ELMO1: variants seen among roughly 807,000 people sequenced by gnomAD.
The protein encoded by ELMO1 is engulfment and cell motility protein 1.
ELMO1 carries 26 observed loss-of-function variants against 98.9 expected under a neutral mutation model. The ratio of observed to expected loss-of-function variants is 0.26; its 90% CI spans 0.19 to 0.36. The LOEUF is 0.36. ELMO1 is among the 10% of genes least tolerant of loss of function. The pLI, the probability that ELMO1 is intolerant of heterozygous loss-of-function variation, is 1.00. For missense variants in ELMO1, 627 were observed against 935.2 expected (o/e 0.67, Z 4.30); for synonymous variants, 346 against 346.0 (o/e 1.00, Z 0.00).
At chr7:37,236,681 T>C (rs1429049271) in intron 7 of ELMO1, among the ~76,000 whole-genome samples, 1 of 152,212 alleles carries the variant, frequency 6.6e-6, no homozygotes, top group African/African-American at 2.4e-5. Flanking sequence ...TAAGTTCCCA[T>C]ATGGAAGAAC....
intron 16 of ELMO1, among the ~76,000 whole-genome samples, chr7:36,898,906 G>C (rs757639211): frequency 1.6e-4 from 25 of 152,172 alleles, no homozygotes; most frequent in Non-Finnish European, 3.2e-4. Context: ...GGGAGCAAGG[G>C]GTCAGGTGTT....
chr7:36,869,089 ATC>A (rs1464397456), intron 20 of ELMO1, among the ~76,000 whole-genome samples: 1 of 152,218 alleles, frequency 6.6e-6, no homozygotes, highest in Non-Finnish European at 1.5e-5. Context: ...GAGCTATAGA[ATC>A]TCTGTCTCCC....
chr7:37,210,274 T>C (rs1191936677), intron 13 of ELMO1, among the ~76,000 whole-genome samples: 1 of 152,186 alleles, frequency 6.6e-6, no homozygotes, highest in Non-Finnish European at 1.5e-5. Context: ...TATAGACTTA[T>C]GGTAATTTCA....
intron 15 of ELMO1, among the ~76,000 whole-genome samples, chr7:37,013,800 C>T (rs916207344): frequency 2.0e-5 from 3 of 152,190 alleles, no homozygotes; most frequent in Non-Finnish European, 2.9e-5. Context: ...GGCACAGCTC[C>T]TCCGTCACCC....
At chr7:37,012,341 T>C (rs1010783690) in intron 16 of ELMO1, among the ~76,000 whole-genome samples, 1 of 152,184 alleles carries the variant, frequency 6.6e-6, no homozygotes, top group African/African-American at 2.4e-5. Flanking sequence ...GTATATTAAG[T>C]GCAGGTGAAA....
chr7:36,868,988 G>A (rs1410743976), intron 20 of ELMO1, among the ~76,000 whole-genome samples: 2 of 152,140 alleles, frequency 1.3e-5, no homozygotes, highest in Non-Finnish European at 2.9e-5. Flanking sequence ...TGGTAATCCC[G>A]GCTAGTGTTG....
At chr7:37,232,078 C>T (rs1360642407) in intron 8 of ELMO1, among the ~76,000 whole-genome samples, 2 of 152,112 alleles carry the variant, frequency 1.3e-5, no homozygotes, top group Admixed American at 6.6e-5. Flanking sequence ...GTCTTGAACT[C>T]CTGACCTCAA....
At chr7:36,932,840 G>A (rs1431688861) in intron 16 of ELMO1, among the ~76,000 whole-genome samples, 1 of 152,140 alleles carries the variant, frequency 6.6e-6, no homozygotes, top group Non-Finnish European at 1.5e-5. Context: ...CAAGCTCAGT[G>A]CCCGGGACAG....
At chr7:37,141,985 T>C (rs1211254649) in intron 13 of ELMO1, among the ~76,000 whole-genome samples, 6 of 152,186 alleles carry the variant, frequency 3.9e-5, no homozygotes, top group Non-Finnish European at 7.3e-5. Context: ...CAACTAGAGG[T>C]TGAATAAGTG....
At chr7:37,016,644 G>A (rs551492078) in intron 15 of ELMO1, among the ~76,000 whole-genome samples, 1 of 152,296 alleles carries the variant, frequency 6.6e-6, no homozygotes, top group African/African-American at 2.4e-5. Context: ...AGTGCCTGCT[G>A]ACTGAGAACA....
At chr7:37,212,669 G>C (rs1340410401) in intron 12 of ELMO1, among the ~76,000 whole-genome samples, 1 of 152,174 alleles carries the variant, frequency 6.6e-6, no homozygotes, top group Admixed American at 6.5e-5. Flanking sequence ...ATCTGCAACA[G>C]ATCAGGCCCT....
intron 10 of ELMO1, among the ~76,000 whole-genome samples, chr7:37,217,040 C>T (rs568446854): frequency 6.6e-6 from 1 of 152,322 alleles, no homozygotes; most frequent in Admixed American, 6.5e-5. Flanking sequence ...TATTAGACTA[C>T]GTACGTGCAG....
intron 20 of ELMO1, among the ~76,000 whole-genome samples, chr7:36,864,838 A>G (rs1169193459): frequency 6.6e-6 from 1 of 152,182 alleles, no homozygotes; most frequent in Non-Finnish European, 1.5e-5. Context: ...AATTACATCT[A>G]GAAGCAGCTT....
intron 21 of ELMO1, among the ~76,000 whole-genome samples, chr7:36,858,279 A>G (rs1478638635): frequency 2.6e-5 from 4 of 152,180 alleles, no homozygotes; most frequent in Non-Finnish European, 4.4e-5. Context: ...GCAACCTCTA[A>G]TGGTTCCAAG....
intron 16 of ELMO1, among the ~76,000 whole-genome samples, chr7:36,900,957 T>A (rs1468165194): frequency 1.3e-5 from 2 of 152,160 alleles, no homozygotes; most frequent in African/African-American, 4.8e-5. Context: ...AGACCCTAAG[T>A]GCTCATGTGT....
intron 1 of ELMO1, among the ~76,000 whole-genome samples, chr7:37,413,461 A>C (rs1804078593): frequency 6.6e-6 from 1 of 152,202 alleles, no homozygotes. Flanking sequence ...GATTTACTGA[A>C]CAAAAGAAGA....
rs143184573 is a variant in ELMO1, at chr7:37,323,025, C to T, written c.79-7065G>A. Among the ~76,000 whole-genome samples, 356 of 152,256 alleles carry T rather than the reference C, an allele frequency of 2.3e-3. 1 individual carries two copies. Among genetic ancestry groups the T allele is most frequent in the Admixed American group, 2.9e-3 (45 of 15,286 alleles). ...TAGGCAGTTACCACATTTCTATGTG[C>T]GGGGATCAAGGCCCATAAGCACGGA... is the stretch of plus-strand genomic sequence containing the variant. On this transcript the variant is annotated intron_variant, in intron 2 of 21. Transcript: ENST00000310758.
At position 36,860,949 on chromosome 7, in the gene ELMO1, T is replaced by G. The variant is rs544343739; in HGVS notation, c.1983+710A>C. 3.9e-5 allele frequency among the ~76,000 whole-genome samples: 6 copies of G among 152,348 alleles called. No individual in the cohort carries two copies. In the East Asian group the frequency reaches 1.2e-3, roughly 29 times the overall value. On this transcript the variant is annotated intron_variant, in intron 21 of 21. Coordinates refer to ENST00000310758, the MANE Select transcript of ELMO1 (RefSeq NM_014800.11). ...ACAAAAGTCAGATTCTATTAAAATG[T>G]TCTCTTCCTTTCTAAAGCTGTTTAT... is the stretch of plus-strand genomic sequence containing the variant.
chr7:37,430,027 A>G (rs1400635663), intron 1 of ELMO1, among the ~76,000 whole-genome samples: 1 of 152,216 alleles, frequency 6.6e-6, no homozygotes, highest in African/African-American at 2.4e-5. Flanking sequence ...GGATCCATCA[A>G]TCACACCTAG....
Sources: allele counts gnomAD v4.1 joint callset (sites outside exome capture counted in the v4.1 genomes callset), GRCh38; gene constraint gnomAD v4.1.1; transcripts MANE v1.5; gene names NCBI Gene and HGNC (gene_info 2026-07-23, HGNC 2026-07-21).